ROBO2: variants seen among roughly 807,000 people sequenced by gnomAD.
The protein encoded by ROBO2 is roundabout guidance receptor 2, also known as roundabout homolog 2.
ROBO2 carries 53 observed loss-of-function variants against 160.8 expected under a neutral mutation model. The ratio of observed to expected loss-of-function variants is 0.33; its 90% CI spans 0.26 to 0.41. The LOEUF (loss-of-function observed/expected upper bound fraction) is 0.41, where lower values mean the gene tolerates loss of function less well. Ranked by LOEUF, ROBO2 falls within the 10% of genes least tolerant of loss-of-function variation. The pLI, the probability that ROBO2 is intolerant of heterozygous loss-of-function variation, is 1.00. For synonymous variants in ROBO2, 664 were observed against 611.7 expected, an observed-to-expected ratio of 1.09 and a Z score of -1.26; for missense variants, 1,577 against 1,722.4, an observed-to-expected ratio of 0.92 and a Z score of 1.49.
chr3:76,782,024 G>A (rs1043655953), intron 2 of ROBO2, among the ~76,000 whole-genome samples: 7 of 150,482 alleles, frequency 4.7e-5, no homozygotes, highest in South Asian at 2.1e-4. Flanking sequence ...TTTTGATTAC[G>A]GATTCAGTCT....
intron 24 of ROBO2, among the ~76,000 whole-genome samples, chr3:77,635,850 G>A (rs112326656): frequency 0.027 from 4,076 of 152,186 alleles, 81 homozygotes; most frequent in Admixed American, 0.061. Context: ...AGTGACATGT[G>A]ACTGTACCAT....
At chr3:76,243,217 C>T (rs1705407442) in intron 2 of ROBO2, among the ~76,000 whole-genome samples, 1 of 152,054 alleles carries the variant, frequency 6.6e-6, no homozygotes, top group South Asian at 2.1e-4. Context: ...CATTACATGT[C>T]ACTTCTGATA....
chr3:76,907,960 C>T (rs1039034796), intron 2 of ROBO2, among the ~76,000 whole-genome samples: 58 of 152,202 alleles, frequency 3.8e-4, no homozygotes, highest in African/African-American at 1.3e-3. Context: ...CTGCCTCAGC[C>T]TCCAGAGTAG....
At chr3:77,454,795 G>T (rs2081454155) in intron 2 of ROBO2, among the ~76,000 whole-genome samples, 2 of 151,916 alleles carry the variant, frequency 1.3e-5, no homozygotes, top group Non-Finnish European at 1.5e-5. Flanking sequence ...TATGTTATTT[G>T]TTTATATCCA....
At chr3:77,214,464 T>G (rs2084645534) in intron 2 of ROBO2, among the ~76,000 whole-genome samples, 1 of 152,168 alleles carries the variant, frequency 6.6e-6, no homozygotes, top group African/African-American at 2.4e-5. Flanking sequence ...ATTTTGAGCC[T>G]ATTTGTGTCG....
At position 77,046,339 on chromosome 3, in the gene ROBO2, A is replaced by G. The variant is rs752021107; in HGVS notation, c.61+5493A>G. Reference sequence around the variant, plus strand: ...TATACTAATCTGTCTCAAATCCCCAATAGTCCTGATTTCTAATCCCTTCAG... The same window carrying G: ...TATACTAATCTGTCTCAAATCCCCAGTAGTCCTGATTTCTAATCCCTTCAG... On this transcript the variant is annotated intron_variant, in intron 1 of 25. Transcript: ENST00000461745. 3.2e-4 allele frequency among the ~76,000 whole-genome samples: 48 copies of G among 152,172 alleles called. 1 individual carries two copies. The highest frequency in any genetic ancestry group is 6.6e-4 in the Non-Finnish European group (45 of 68,014).
intron 2 of ROBO2, among the ~76,000 whole-genome samples, chr3:76,562,440 T>C (rs1039690767): frequency 6.2e-5 from 1 of 16,058 alleles, no homozygotes; most frequent in Non-Finnish European, 1.5e-4. Context: ...ATAAGATTGA[T>C]CTCTCTCTCT....
intron 2 of ROBO2, among the ~76,000 whole-genome samples, chr3:76,585,378 G>C (rs904699332): frequency 6.6e-6 from 1 of 152,092 alleles, no homozygotes; most frequent in African/African-American, 2.4e-5. Context: ...AATTTTCCCA[G>C]ACAATTCATC....
At chr3:77,009,682 C>A (rs1015821163) in intron 2 of ROBO2, among the ~76,000 whole-genome samples, 3 of 151,862 alleles carry the variant, frequency 2.0e-5, no homozygotes, top group African/African-American at 7.3e-5. Flanking sequence ...ACTCTTGGGT[C>A]CACAGTGGCT....
chr3:76,839,631 GT>G (rs2068040254), intron 2 of ROBO2, among the ~76,000 whole-genome samples: 1 of 152,130 alleles, frequency 6.6e-6, no homozygotes, highest in Non-Finnish European at 1.5e-5. Context: ...GTTTTCTTTT[GT>G]TTTGATATGT....
At chr3:77,566,070 TA>T (rs1245095897) in intron 12 of ROBO2, among the ~76,000 whole-genome samples, 1 of 152,238 alleles carries the variant, frequency 6.6e-6, no homozygotes, top group Non-Finnish European at 1.5e-5. Flanking sequence ...TAATTCAAAG[TA>T]GTATTTTTAT....
chr3:77,402,310 G>A lies in ROBO2; in HGVS notation c.389-75104G>A, dbSNP rs13068828. On this transcript the variant is annotated intron_variant, in intron 2 of 25. Coordinates refer to ENST00000461745, the Ensembl canonical transcript of ROBO2. ...TGGAGTGGGGTCTAGGGGAGGGATA[G>A]CATTAGGAGAAATACCTAATGTAGG... Among the ~76,000 whole-genome samples the A allele has an allele frequency of 6.3e-3, 957 of 152,144 alleles. 4 individuals are homozygous for A. The highest frequency in any genetic ancestry group is 0.024 in the Middle Eastern group (7 of 294).
intron 2 of ROBO2, among the ~76,000 whole-genome samples, chr3:77,440,880 C>T (rs910732433): frequency 2.0e-5 from 3 of 152,118 alleles, no homozygotes; most frequent in South Asian, 2.1e-4. Context: ...GTGGTGAGGA[C>T]GGGAGGAGAG....
At chr3:77,311,425 G>C (rs2063532551) in intron 2 of ROBO2, among the ~76,000 whole-genome samples, 1 of 152,124 alleles carries the variant, frequency 6.6e-6, no homozygotes, top group Non-Finnish European at 1.5e-5. Flanking sequence ...AATATATGTG[G>C]CTATGTAATT....
chr3:76,995,551 G>C (rs1184576711), intron 2 of ROBO2, among the ~76,000 whole-genome samples: 3 of 152,088 alleles, frequency 2.0e-5, no homozygotes, highest in Non-Finnish European at 4.4e-5. Context: ...GGTTGAACTA[G>C]TTTACAGTCC....
intron 2 of ROBO2, among the ~76,000 whole-genome samples, chr3:76,459,860 AG>A (rs1421548699): frequency 6.6e-6 from 1 of 152,130 alleles, no homozygotes; most frequent in Admixed American, 6.6e-5. Flanking sequence ...ACTTAAGTTC[AG>A]TTTCCTCATC....
At chr3:76,200,895 A>C (rs1467775412) in intron 2 of ROBO2, among the ~76,000 whole-genome samples, 2 of 152,200 alleles carry the variant, frequency 1.3e-5, no homozygotes, top group African/African-American at 4.8e-5. Context: ...CAAAACTAGC[A>C]TGTGGGTTCT....
chr3:77,218,109 C>G (rs1268225164), intron 2 of ROBO2, among the ~76,000 whole-genome samples: 1 of 152,116 alleles, frequency 6.6e-6, no homozygotes, highest in Admixed American at 6.6e-5. Flanking sequence ...CATAGACATC[C>G]TGTTTCAGTT....
intron 2 of ROBO2, among the ~76,000 whole-genome samples, chr3:77,236,809 T>C (rs2088060000): frequency 1.3e-5 from 2 of 152,202 alleles, no homozygotes; most frequent in Non-Finnish European, 2.9e-5. Context: ...GGGTAGCCTT[T>C]TCAGATTGAC....
Sources: allele counts gnomAD v4.1 joint callset (sites outside exome capture counted in the v4.1 genomes callset), GRCh38; gene constraint gnomAD v4.1.1; transcripts MANE v1.5; gene names NCBI Gene and HGNC (gene_info 2026-07-23, HGNC 2026-07-21).